C1orf21: variants seen among roughly 807,000 people sequenced by gnomAD.
C1orf21 encodes chromosome 1 open reading frame 21.
A neutral mutation model predicts 18.7 loss-of-function variants in C1orf21; 3 were observed. The observed-to-expected ratio is 0.16, with a 90% CI of 0.07 to 0.42. The LOEUF is 0.42. Ranked by LOEUF, C1orf21 falls within the 10% of genes least tolerant of loss-of-function variation. The pLI is 0.99. For missense variants in C1orf21, 104 were observed against 143.6 expected, an observed-to-expected ratio of 0.72 and a Z score of 1.41; for synonymous variants, 41 against 46.4, an observed-to-expected ratio of 0.88 and a Z score of 0.47.
chr1:184,615,843 C>A (rs1659813267), intron 5 of C1orf21, among the ~76,000 whole-genome samples: 1 of 152,104 alleles, frequency 6.6e-6, no homozygotes, highest in Non-Finnish European at 1.5e-5. Context: ...TTATAGGGTA[C>A]ATGTGGTATT....
chr1:184,393,334 C>T (rs1019238703), intron 1 of C1orf21, among the ~76,000 whole-genome samples: 1 of 152,124 alleles, frequency 6.6e-6, no homozygotes, highest in Non-Finnish European at 1.5e-5. Flanking sequence ...TACTTTGCCC[C>T]ACACCTCCTC....
intron 1 of C1orf21, among the ~76,000 whole-genome samples, chr1:184,405,618 G>A (rs1325629668): frequency 1.3e-5 from 2 of 152,168 alleles, no homozygotes; most frequent in East Asian, 3.8e-4. Context: ...GGACAGGGTG[G>A]GAGGGAGCAT....
intron 1 of C1orf21, among the ~76,000 whole-genome samples, chr1:184,471,271 A>G (rs569019730): frequency 1.3e-4 from 20 of 152,306 alleles, no homozygotes; most frequent in Admixed American, 6.5e-4. Flanking sequence ...AGCTGTGTTT[A>G]TTTTTCCAGC....
chr1:184,503,077 CAAAA>C (rs199599189), intron 2 of C1orf21, among the ~76,000 whole-genome samples: 2 of 61,640 alleles, frequency 3.2e-5, no homozygotes, highest in African/African-American at 1.4e-4. Context: ...GAAACTGTCT[CAAAA>C]AAAAAAAAAA....
At chr1:184,571,399 G>A (rs558544947) in intron 3 of C1orf21, among the ~76,000 whole-genome samples, 115 of 152,048 alleles carry the variant, frequency 7.6e-4, no homozygotes, top group Non-Finnish European at 1.3e-3. Context: ...CCAAAATGCT[G>A]TTATGCAGCA....
At chr1:184,392,593 T>C (rs549263521) in intron 1 of C1orf21, among the ~76,000 whole-genome samples, 1 of 151,860 alleles carries the variant, frequency 6.6e-6, no homozygotes, top group Non-Finnish European at 1.5e-5. Context: ...AATCTAAATT[T>C]AAAAAAAATA....
At chr1:184,536,128 A>ATGGC (rs1351956371) in intron 3 of C1orf21, among the ~76,000 whole-genome samples, 1 of 152,192 alleles carries the variant, frequency 6.6e-6, no homozygotes, top group Non-Finnish European at 1.5e-5. Flanking sequence ...TACAGAGGGG[A>ATGGC]TGGCTGTATG....
intron 2 of C1orf21, among the ~76,000 whole-genome samples, chr1:184,484,746 G>A (rs757782235): frequency 2.0e-5 from 3 of 152,216 alleles, no homozygotes; most frequent in Admixed American, 6.5e-5. Flanking sequence ...CTGGAATGAT[G>A]GTGTGAGACT....
intron 3 of C1orf21, among the ~76,000 whole-genome samples, chr1:184,563,067 G>A (rs192901067): frequency 7.0e-4 from 107 of 152,300 alleles, no homozygotes; most frequent in African/African-American, 2.5e-3. Context: ...TCATTTAGCT[G>A]AATTGTGGAG....
intron 1 of C1orf21, among the ~76,000 whole-genome samples, chr1:184,429,703 T>C (rs1571353771): frequency 6.6e-6 from 1 of 152,284 alleles, no homozygotes; most frequent in East Asian, 1.9e-4. Flanking sequence ...CCAGGTAATA[T>C]ACAGTATACT....
At chr1:184,441,693 T>G (rs894135428) in intron 1 of C1orf21, among the ~76,000 whole-genome samples, 1 of 152,252 alleles carries the variant, frequency 6.6e-6, no homozygotes, top group African/African-American at 2.4e-5. Context: ...GTGTTTACAC[T>G]GCCAGCTAGT....
chr1:184,619,736 T>C lies in C1orf21; in HGVS notation c.*180T>C, dbSNP rs911034954. On this transcript the variant is annotated 3_prime_UTR_variant, in exon 6 of 6. Coordinates refer to ENST00000235307, the MANE Select transcript of C1orf21 (RefSeq NM_030806.4). Reference sequence around the variant, plus strand: ...TAATGAACTTGCAAAGGAATATTGCTAAAAACAAACAAAAAAAACTGTTAT... The same window carrying C: ...TAATGAACTTGCAAAGGAATATTGCCAAAAACAAACAAAAAAAACTGTTAT... The C allele has an allele frequency of 1.0e-5, 5 of 493,126 alleles. No individual in the cohort carries two copies. The highest frequency in any genetic ancestry group is 1.7e-5 in the Non-Finnish European group (5 of 290,302). The allele number at this position is 493,126 out of a possible 1,614,324, so 30.5% of individuals were successfully genotyped here.
chr1:184,394,563 G>C (rs144604542), intron 1 of C1orf21, among the ~76,000 whole-genome samples: 4 of 152,288 alleles, frequency 2.6e-5, no homozygotes, highest in Non-Finnish European at 5.9e-5. Flanking sequence ...AGGAGGTCTA[G>C]TAGAGCCCCT....
chr1:184,492,557 T>C (rs1229612569), intron 2 of C1orf21, among the ~76,000 whole-genome samples: 1 of 152,224 alleles, frequency 6.6e-6, no homozygotes, highest in Non-Finnish European at 1.5e-5. Context: ...ATTGTGATAT[T>C]TACTTTTTCA....
intron 1 of C1orf21, among the ~76,000 whole-genome samples, chr1:184,434,167 A>G (rs900332701): frequency 3.3e-5 from 5 of 152,130 alleles, no homozygotes; most frequent in Non-Finnish European, 7.3e-5. Flanking sequence ...AGCACTTAGC[A>G]TGGTGTCAGA....
chr1:184,615,957 T>C (rs973198760), intron 5 of C1orf21, among the ~76,000 whole-genome samples: 1 of 152,212 alleles, frequency 6.6e-6, no homozygotes, highest in African/African-American at 2.4e-5. Flanking sequence ...TCAAATCTTC[T>C]CACTACTTTG....
intron 3 of C1orf21, among the ~76,000 whole-genome samples, chr1:184,556,407 G>A (rs1350708198): frequency 1.3e-5 from 2 of 152,164 alleles, no homozygotes; most frequent in African/African-American, 4.8e-5. Context: ...GTTCCAGAAG[G>A]CTGTGTCTGT....
At chr1:184,449,672 A>T (rs554880732) in intron 1 of C1orf21, among the ~76,000 whole-genome samples, 1 of 152,320 alleles carries the variant, frequency 6.6e-6, no homozygotes, top group East Asian at 1.9e-4. Flanking sequence ...TTTCCAGGAA[A>T]TATAATTTAA....
At position 184,427,415 on chromosome 1, in the gene C1orf21, G is replaced by T. The variant is rs1656659894; in HGVS notation, c.-125+40047G>T. 2.0e-5 allele frequency among the ~76,000 whole-genome samples: 3 copies of T among 152,240 alleles called. No individual in the cohort carries two copies. In the South Asian group the frequency reaches 6.2e-4, roughly 32 times the overall value. On this transcript the variant is annotated intron_variant, in intron 1 of 5. Transcript: ENST00000235307. ...TTTCTCAGAGAGGCTTGGAGGTCAGGATCTGTCCTGGATTGCTTTTTTTTT... is the reference window on the plus strand; with the variant it reads ...TTTCTCAGAGAGGCTTGGAGGTCAGTATCTGTCCTGGATTGCTTTTTTTTT...
Sources: gnomAD v4.1 joint callset for allele counts (sites outside exome capture counted in the v4.1 genomes callset) on GRCh38, gnomAD v4.1.1 for gene constraint, MANE v1.5 for transcripts, NCBI Gene and HGNC (gene_info 2026-07-23, HGNC 2026-07-21) for gene names.